The following LONP2 variants were observed in gnomAD, a reference collection of about 807,000 sequenced individuals.
LONP2 encodes the protein lon peptidase 2, peroxisomal, also known as lon protease homolog 2, peroxisomal.
Under a neutral mutation model 85.6 loss-of-function variants are expected in LONP2, and 60 were observed. The ratio of observed to expected loss-of-function variants is 0.70; its 90% CI spans 0.57 to 0.87. The LOEUF (loss-of-function observed/expected upper bound fraction) is 0.87. LONP2 is among the 40% of genes least tolerant of loss of function. The pLI is 0.00. For missense variants in LONP2, 860 were observed against 1,063.5 expected (o/e 0.81, Z 2.66); for synonymous variants, 395 against 389.7 (o/e 1.01, Z -0.16).
chr16:48,267,714 C>G (rs1306509792), intron 6 of LONP2, among the ~76,000 whole-genome samples: 1 of 152,154 alleles, frequency 6.6e-6, no homozygotes, highest in African/African-American at 2.4e-5. Context: ...CTCCTGTGTT[C>G]AAGTGACTCT....
At chr16:48,313,467 C>T (rs1973077536) in intron 11 of LONP2, among the ~76,000 whole-genome samples, 1 of 152,152 alleles carries the variant, frequency 6.6e-6, no homozygotes, top group African/African-American at 2.4e-5. Flanking sequence ...CTTCCTGATG[C>T]TCTCCCTCCC....
chr16:48,246,682 G>A (rs1026347722), intron 1 of LONP2, among the ~76,000 whole-genome samples: 6 of 152,022 alleles, frequency 3.9e-5, no homozygotes, highest in African/African-American at 1.5e-4. Flanking sequence ...TCAAGTGATC[G>A]TCCTGCCTCA....
At position 48,289,861 on chromosome 16, in the gene LONP2, A is replaced by G. The variant is rs185308579; in HGVS notation, c.1384-6154A>G. On this transcript the variant is annotated intron_variant, in intron 8 of 14. Coordinates refer to ENST00000285737, the MANE Select transcript of LONP2 (RefSeq NM_031490.5). ...TAAACAAATGTCTTCACAAATGGGT[A>G]GTAGGTTCACAGGTGTTCATTTTGT... is the stretch of plus-strand genomic sequence containing the variant. Among the ~76,000 whole-genome samples the G allele has an allele frequency of 9.5e-4, 145 of 152,324 alleles. 1 individual carries two copies. Among genetic ancestry groups the G allele is most frequent in the Middle Eastern group, 3.4e-3 (1 of 294 alleles).
At chr16:48,314,235 T>C (rs1048822346) in intron 11 of LONP2, among the ~76,000 whole-genome samples, 2 of 152,134 alleles carry the variant, frequency 1.3e-5, no homozygotes, top group Non-Finnish European at 2.9e-5. Flanking sequence ...TGAAAAATTC[T>C]TTTCCCATTC....
chr16:48,274,652 A>C (rs112690410), intron 7 of LONP2, among the ~76,000 whole-genome samples: 30 of 151,816 alleles, frequency 2.0e-4, no homozygotes, highest in Admixed American at 1.2e-3. Context: ...ACACACACAC[A>C]CCCACACACC....
intron 11 of LONP2, among the ~76,000 whole-genome samples, chr16:48,327,551 G>A (rs1036276921): frequency 1.3e-5 from 2 of 152,002 alleles, no homozygotes; most frequent in African/African-American, 4.8e-5. Context: ...TCCACTTCCC[G>A]GGTTCAAGCG....
rs1264798393 is a variant in LONP2 at position 48,353,168 on chromosome 16, T to C, written c.*1366T>C. 6.6e-6 allele frequency: 1 copy of C among 152,162 alleles called. No homozygotes were observed. The highest frequency in any genetic ancestry group is 1.5e-5 in the Non-Finnish European group (1 of 68,032). 9.4% of individuals were successfully genotyped at this position (152,162 alleles called of 1,614,324 possible). A position where few individuals can be genotyped will look rare whatever the true frequency, so the allele number is the denominator to read the frequency against. On this transcript the variant is annotated 3_prime_UTR_variant, in exon 15 of 15. Coordinates refer to ENST00000285737, the MANE Select transcript of LONP2 (RefSeq NM_031490.5). Reference sequence around the variant, plus strand: ...GACTTCAGAATCTTTTATTACACAATATAAGAATATGTATGTAAAGACATT... The same window carrying C: ...GACTTCAGAATCTTTTATTACACAACATAAGAATATGTATGTAAAGACATT...
chr16:48,346,358 T>C (rs1490324132), intron 12 of LONP2, among the ~76,000 whole-genome samples: 1 of 152,200 alleles, frequency 6.6e-6, no homozygotes, highest in East Asian at 1.9e-4. Flanking sequence ...TTAACATTAC[T>C]GATTTTCCAC....
intron 12 of LONP2, chr16:48,334,750 G>T: frequency 3.7e-6 from 2 of 547,012 alleles, no homozygotes; most frequent in South Asian, 1.5e-5. Context: ...CAGGTAAGAT[G>T]CCCTACCTGT....
At chr16:48,290,313 G>T (rs1043131376) in intron 8 of LONP2, among the ~76,000 whole-genome samples, 6 of 152,128 alleles carry the variant, frequency 3.9e-5, no homozygotes, top group Admixed American at 3.9e-4. Context: ...TCACAACACA[G>T]AACACCTCTG....
intron 11 of LONP2, among the ~76,000 whole-genome samples, chr16:48,314,755 G>C (rs1281807902): frequency 6.6e-6 from 1 of 152,064 alleles, no homozygotes. Flanking sequence ...CTAGGTATTT[G>C]ATCTTTATGT....
intron 8 of LONP2, among the ~76,000 whole-genome samples, chr16:48,290,536 A>G (rs1972539042): frequency 6.6e-6 from 1 of 152,202 alleles, no homozygotes; most frequent in African/African-American, 2.4e-5. Context: ...AGTACCCACA[A>G]GCCCCCCTCC....
Position 48,261,575 on chromosome 16 carries a change from A to C in LONP2, c.875A>C (p.Lys292Thr). 7 of 1,574,846 alleles carry C rather than the reference A, an allele frequency of 4.4e-6. No homozygotes were observed. Among genetic ancestry groups the C allele is most frequent in the Non-Finnish European group, 6.0e-6 (7 of 1,162,310 alleles). The change falls in exon 5 of 15, where the codon AAA (lysine) becomes ACA (threonine). Residue 292 changes from lysine (K) to threonine (T), a missense_variant. Physicochemically the swap from Lys to Thr is moderately conservative, Grantham distance 78. Transcript: ENST00000285737. ...MPEQAHKVCVKEIKRLKKMPQ... is the reference protein window; with the variant it reads ...MPEQAHKVCVTEIKRLKKMPQ... The stretch of plus-strand genomic sequence containing the variant: ...GAGCAGGCCCATAAAGTCTGTGTCA[A>C]AGAGATAAAGAGGTAAATTATAAAA...
chr16:48,360,734 C>G (rs1960550581), downstream of LONP2: 1 of 152,604 alleles, frequency 6.6e-6, no homozygotes, highest in African/African-American at 2.4e-5. Context: ...GAAACAAAAG[C>G]CTGATTTGCA....
rs1176960380 is a variant in LONP2, at chr16:48,354,557, AAG to A, written c.*2758_*2759del. ...AACTGAAACTCTGTACCCACTGAAA[AAG>A]AGCTCCAAATTCCACCCTCACCCCA... On this transcript the variant is annotated 3_prime_UTR_variant, in exon 15 of 15. Coordinates refer to ENST00000285737, the MANE Select transcript of LONP2 (RefSeq NM_031490.5). 1 of 152,262 alleles carries A rather than the reference AAG, an allele frequency of 6.6e-6. No homozygotes were observed. The highest frequency in any genetic ancestry group is 1.9e-4 in the East Asian group (1 of 5,182). 9.4% of individuals were successfully genotyped at this position (152,262 alleles called of 1,614,324 possible).
chr16:48,340,955 A>G (rs1959791343), intron 12 of LONP2, among the ~76,000 whole-genome samples: 1 of 152,088 alleles, frequency 6.6e-6, no homozygotes, highest in Non-Finnish European at 1.5e-5. Flanking sequence ...GGTAATTTAT[A>G]AAGAAAAGAG....
Position 48,353,993 on chromosome 16 carries a change from TGTTTTG to T in LONP2, c.*2192_*2197del, listed in dbSNP as rs1485364406. 4.0e-5 allele frequency: 6 copies of T among 149,258 alleles called. No individual in the cohort carries two copies. The highest frequency in any genetic ancestry group is 1.5e-4 in the African/African-American group (6 of 39,592). 9.2% of individuals were successfully genotyped at this position (149,258 alleles called of 1,614,324 possible). On this transcript the variant is annotated 3_prime_UTR_variant, in exon 15 of 15. Coordinates refer to ENST00000285737, the MANE Select transcript of LONP2 (RefSeq NM_031490.5). ...CATTGCACTAGCTTTGTTTTTGGTT[TGTTTTG>T]TTTTTTTTTTAATTCCAGGGGTGGG...
At chr16:48,258,788 G>C in intron 4 of LONP2, 48 bp downstream of exon 4, 11 of 1,523,724 alleles carry the variant, frequency 7.2e-6, no homozygotes, top group Non-Finnish European at 9.7e-6. Flanking sequence ...AAAATAAGGA[G>C]AATAAAGAGA....
chr16:48,334,279 C>T lies in LONP2; in HGVS notation c.1859C>T (p.Ala620Val), dbSNP rs1421624632. The change falls in exon 12 of 15, where the codon GCT becomes GTT. Residue 620 changes from alanine to valine, a missense_variant. Physicochemically the swap from Ala to Val is moderately conservative, Grantham distance 64. Coordinates refer to ENST00000285737, the MANE Select transcript of LONP2 (RefSeq NM_031490.5). ...PESISDTTDL[A>V]LPPEMPILID... ...TCTATCAGTGACACTACTGACTTGG[C>T]TCTACCACCTGAAATGCCGATTTTG... 4.3e-6 allele frequency: 7 copies of T among 1,614,086 alleles called. No individual in the cohort carries two copies. The highest frequency in any genetic ancestry group is 5.9e-6 in the Non-Finnish European group (7 of 1,179,958).
Sources: gnomAD v4.1 joint callset for allele counts (sites outside exome capture counted in the v4.1 genomes callset) on GRCh38, gnomAD v4.1.1 for gene constraint, MANE v1.5 for transcripts, NCBI Gene and HGNC (gene_info 2026-07-23, HGNC 2026-07-21) for gene names.